The following NOL4 variants were observed in gnomAD, a reference collection of about 807,000 sequenced individuals.
The protein encoded by NOL4 is nucleolar protein 4, also known as cancer/testis antigen 125.
A neutral mutation model predicts 75.9 loss-of-function variants in NOL4; 17 were observed. The observed-to-expected ratio is 0.22, with a 90% confidence interval of 0.15 to 0.34. The LOEUF (loss-of-function observed/expected upper bound fraction) is 0.34, where lower values mean the gene tolerates loss of function less well. Ranked by LOEUF, NOL4 falls within the 10% of genes least tolerant of loss-of-function variation. NOL4 has a pLI of 1.00. For missense variants in NOL4, 614 were observed against 793.5 expected (o/e 0.77, Z 2.72); for synonymous variants, 292 against 289.9 (o/e 1.01, Z -0.07).
Position 33,851,501 on chromosome 18 carries a change from A to C in NOL4, c.*1341T>G, listed in dbSNP as rs1052550480. The C allele has an allele frequency of 8.5e-5, 13 of 152,536 alleles. No homozygotes were observed. Among genetic ancestry groups the C allele is most frequent in the African/African-American group, 3.1e-4 (13 of 41,446 alleles). 9.4% of individuals were successfully genotyped at this position (152,536 alleles called of 1,614,324 possible). ...CAAACTCATTGTCAAAAACTGAATGACATAAATTTTACATGAAATAAGGCA... is the reference window on the plus strand; with the variant it reads ...CAAACTCATTGTCAAAAACTGAATGCCATAAATTTTACATGAAATAAGGCA... On this transcript the variant is annotated 3_prime_UTR_variant, in exon 11 of 11. Coordinates refer to ENST00000261592, the MANE Select transcript of NOL4 (RefSeq NM_003787.5).
chr18:34,113,036 G>A (rs1008477797), intron 2 of NOL4, among the ~76,000 whole-genome samples: 2 of 152,174 alleles, frequency 1.3e-5, no homozygotes, highest in Non-Finnish European at 2.9e-5. Context: ...TGCAATCACA[G>A]CTCACTGTAG....
intron 5 of NOL4, among the ~76,000 whole-genome samples, chr18:34,052,360 AAAG>A (rs2076659771): frequency 6.6e-6 from 1 of 152,090 alleles, no homozygotes; most frequent in Non-Finnish European, 1.5e-5. Flanking sequence ...AAAAACAACT[AAAG>A]AAGGATAATT....
At chr18:34,188,996 T>C (rs892132114) in intron 1 of NOL4, among the ~76,000 whole-genome samples, 1 of 152,136 alleles carries the variant, frequency 6.6e-6, no homozygotes, top group Non-Finnish European at 1.5e-5. Flanking sequence ...ATCAAAGACT[T>C]CCAAGAACCT....
intron 1 of NOL4, among the ~76,000 whole-genome samples, chr18:34,152,502 A>G (rs1380429707): frequency 6.6e-6 from 1 of 151,958 alleles, no homozygotes; most frequent in South Asian, 2.1e-4. Flanking sequence ...TGAATCCTAC[A>G]CAGGATAATT....
chr18:34,153,920 G>A (rs1286187049), intron 1 of NOL4, among the ~76,000 whole-genome samples: 2 of 151,904 alleles, frequency 1.3e-5, no homozygotes, highest in Admixed American at 6.6e-5. Flanking sequence ...GAAGTAAATC[G>A]GACCCATTAC....
chr18:34,161,417 A>C (rs1006205258), intron 1 of NOL4, among the ~76,000 whole-genome samples: 2 of 152,296 alleles, frequency 1.3e-5, no homozygotes, highest in Admixed American at 1.3e-4. Context: ...CATTCCCACC[A>C]ACCTTGTATA....
chr18:34,111,162 A>G (rs991991946), intron 2 of NOL4, among the ~76,000 whole-genome samples: 3 of 152,338 alleles, frequency 2.0e-5, no homozygotes, highest in African/African-American at 7.2e-5. Context: ...AAAATGGATT[A>G]AAGACTTAAA....
intron 6 of NOL4, among the ~76,000 whole-genome samples, chr18:33,997,978 A>C (rs1306298707): frequency 1.3e-5 from 2 of 151,896 alleles, no homozygotes; most frequent in Non-Finnish European, 2.9e-5. Context: ...ATACTACAAA[A>C]TGGACAGATC....
chr18:33,870,523 G>A (rs1003306233), intron 10 of NOL4, among the ~76,000 whole-genome samples: 8 of 151,972 alleles, frequency 5.3e-5, no homozygotes, highest in African/African-American at 1.7e-4. Flanking sequence ...GACCACAGAT[G>A]GACAGAGTGG....
intron 5 of NOL4, among the ~76,000 whole-genome samples, chr18:34,042,039 T>C (rs1261463758): frequency 6.6e-6 from 1 of 152,022 alleles, no homozygotes; most frequent in East Asian, 1.9e-4. Context: ...TACATAGGCA[T>C]GAAGTCAGGA....
chr18:33,994,570 G>T (rs1378272433), intron 6 of NOL4, among the ~76,000 whole-genome samples: 2 of 151,732 alleles, frequency 1.3e-5, no homozygotes, highest in Non-Finnish European at 2.9e-5. Context: ...CAAAAGTTAA[G>T]TTAGAAAATA....
At chr18:34,028,370 C>T (rs1189781529) in intron 5 of NOL4, among the ~76,000 whole-genome samples, 1 of 152,186 alleles carries the variant, frequency 6.6e-6, no homozygotes, top group Non-Finnish European at 1.5e-5. Context: ...TAGTGGTTAT[C>T]CATGCAACTA....
chr18:34,139,091 G>C (rs2081025483), intron 1 of NOL4, among the ~76,000 whole-genome samples: 1 of 152,156 alleles, frequency 6.6e-6, no homozygotes, highest in African/African-American at 2.4e-5. Flanking sequence ...GTATTTTATT[G>C]AGGATTTTTG....
chr18:34,120,459 A>C (rs1312648657), intron 2 of NOL4, among the ~76,000 whole-genome samples: 1 of 152,210 alleles, frequency 6.6e-6, no homozygotes, highest in Non-Finnish European at 1.5e-5. Flanking sequence ...TCTAATAAAA[A>C]AACACTGTTC....
At chr18:33,989,857 G>A (rs1394411758) in intron 6 of NOL4, among the ~76,000 whole-genome samples, 2 of 152,014 alleles carry the variant, frequency 1.3e-5, no homozygotes, top group African/African-American at 2.4e-5. Context: ...TATATAGCAC[G>A]TGCAATGTTC....
chr18:34,144,350 T>A (rs771609293), intron 1 of NOL4, among the ~76,000 whole-genome samples: 1 of 152,112 alleles, frequency 6.6e-6, no homozygotes, highest in Non-Finnish European at 1.5e-5. Flanking sequence ...AATGACAGAT[T>A]CACTGAATTC....
intron 4 of NOL4, among the ~76,000 whole-genome samples, chr18:34,096,659 A>T (rs1316516190): frequency 6.6e-6 from 1 of 152,098 alleles, no homozygotes; most frequent in Non-Finnish European, 1.5e-5. Context: ...AAAACTCTCC[A>T]CATCATACTG....
chr18:34,040,560 G>A (rs960326899), intron 5 of NOL4, among the ~76,000 whole-genome samples: 3 of 151,898 alleles, frequency 2.0e-5, no homozygotes, highest in African/African-American at 7.2e-5. Flanking sequence ...CATGCGAGGT[G>A]GAGGTTCTTA....
At chr18:34,201,684 C>T (rs994070538) in intron 1 of NOL4, among the ~76,000 whole-genome samples, 1 of 151,766 alleles carries the variant, frequency 6.6e-6, no homozygotes, top group African/African-American at 2.4e-5. Context: ...TCAATACATT[C>T]CTAAGTTCCA....
Sources: gnomAD v4.1 joint callset for allele counts (sites outside exome capture counted in the v4.1 genomes callset) on GRCh38, gnomAD v4.1.1 for gene constraint, MANE v1.5 for transcripts, NCBI Gene and HGNC (gene_info 2026-07-23, HGNC 2026-07-21) for gene names.